Variants in KCNH1 observed in about 807,000 individuals in gnomAD.
The protein encoded by KCNH1 is voltage-gated delayed rectifier potassium channel KCNH1.
KCNH1 carries 27 observed loss-of-function variants against 69.2 expected under a neutral mutation model. The observed-to-expected ratio is 0.39, with a 90% CI of 0.29 to 0.54. The LOEUF (loss-of-function observed/expected upper bound fraction) is 0.54, where lower values mean the gene tolerates loss of function less well. Among genes scored for constraint, KCNH1 ranks in the 20% least tolerant of loss-of-function variants. The pLI, the probability that KCNH1 is intolerant of heterozygous loss-of-function variation, is 0.68. For missense variants in KCNH1, 798 were observed against 1,261.6 expected, an observed-to-expected ratio of 0.63 and a Z score of 5.57; for synonymous variants, 456 against 487.7, an observed-to-expected ratio of 0.93 and a Z score of 0.86.
intron 4 of KCNH1, among the ~76,000 whole-genome samples, chr1:211,089,157 A>C (rs1691008935): frequency 6.6e-6 from 1 of 152,226 alleles, no homozygotes; most frequent in Non-Finnish European, 1.5e-5. Flanking sequence ...ATAGGTGTCA[A>C]AATATTCAAT....
intron 10 of KCNH1, among the ~76,000 whole-genome samples, chr1:210,702,823 A>C (rs1306409966): frequency 6.6e-6 from 1 of 152,266 alleles, no homozygotes; most frequent in East Asian, 1.9e-4. Context: ...CCCCTTCTGC[A>C]TCTGTGCTGC....
intron 4 of KCNH1, among the ~76,000 whole-genome samples, chr1:211,089,416 T>A (rs926294139): frequency 1.1e-4 from 16 of 152,200 alleles, no homozygotes; most frequent in African/African-American, 3.9e-4. Context: ...AAAGGCAGGC[T>A]GAAATTGATT....
At chr1:210,981,591 C>T (rs866447355) in intron 6 of KCNH1, among the ~76,000 whole-genome samples, 2 of 152,114 alleles carry the variant, frequency 1.3e-5, no homozygotes, top group South Asian at 4.1e-4. Flanking sequence ...TCTATAAATA[C>T]TATCTCAATA....
chr1:211,022,022 A>G (rs942712405), intron 5 of KCNH1, among the ~76,000 whole-genome samples: 6 of 152,198 alleles, frequency 3.9e-5, no homozygotes, highest in Non-Finnish European at 8.8e-5. Context: ...AGCAAAAACT[A>G]TCCTGAGCAA....
chr1:210,824,007 C>T (rs1684986556), intron 7 of KCNH1, among the ~76,000 whole-genome samples: 1 of 152,048 alleles, frequency 6.6e-6, no homozygotes. Flanking sequence ...CACTATATTG[C>T]TCAGTCTGGT....
intron 5 of KCNH1, among the ~76,000 whole-genome samples, chr1:211,030,108 A>G (rs1689755739): frequency 6.6e-6 from 1 of 152,226 alleles, no homozygotes; most frequent in African/African-American, 2.4e-5. Flanking sequence ...GTTTAGCACA[A>G]TTTCTATCAA....
At chr1:211,007,207 G>A (rs1316266697) in intron 6 of KCNH1, among the ~76,000 whole-genome samples, 1 of 152,138 alleles carries the variant, frequency 6.6e-6, no homozygotes, top group Non-Finnish European at 1.5e-5. Flanking sequence ...ACTCTTCCTT[G>A]TAAGTTAACA....
chr1:211,061,681 A>T (rs1171258000), intron 5 of KCNH1, among the ~76,000 whole-genome samples: 2 of 152,208 alleles, frequency 1.3e-5, no homozygotes, highest in African/African-American at 4.8e-5. Flanking sequence ...AAGAGCAAAC[A>T]ATCTGAAAAA....
At chr1:210,950,014 T>C (rs1334957698) in intron 6 of KCNH1, among the ~76,000 whole-genome samples, 1 of 152,186 alleles carries the variant, frequency 6.6e-6, no homozygotes, top group Non-Finnish European at 1.5e-5. Flanking sequence ...AGGAAAAGAT[T>C]GCCAAGCCAC....
intron 6 of KCNH1, among the ~76,000 whole-genome samples, chr1:211,017,421 A>T (rs886473672): frequency 6.6e-6 from 1 of 152,128 alleles, no homozygotes; most frequent in African/African-American, 2.4e-5. Flanking sequence ...CTTGAGCCTC[A>T]ACTTGGCTTC....
chr1:210,857,060 A>G (rs1685865886), intron 7 of KCNH1, among the ~76,000 whole-genome samples: 1 of 151,426 alleles, frequency 6.6e-6, no homozygotes, highest in African/African-American at 2.4e-5. Flanking sequence ...AGAAATACAA[A>G]GCCATGAGCC....
At chr1:211,052,710 C>G (rs1276436047) in intron 5 of KCNH1, among the ~76,000 whole-genome samples, 1 of 152,254 alleles carries the variant, frequency 6.6e-6, no homozygotes, top group Non-Finnish European at 1.5e-5. Flanking sequence ...ACCAGTGCTA[C>G]TGGATTTAGG....
intron 9 of KCNH1, among the ~76,000 whole-genome samples, chr1:210,794,668 G>C (rs1335307992): frequency 6.6e-6 from 1 of 152,178 alleles, no homozygotes; most frequent in African/African-American, 2.4e-5. Flanking sequence ...CCAACTCCTA[G>C]TAATGCAGCT....
intron 7 of KCNH1, among the ~76,000 whole-genome samples, chr1:210,833,686 G>T (rs934054209): frequency 6.6e-6 from 1 of 152,074 alleles, no homozygotes; most frequent in Non-Finnish European, 1.5e-5. Flanking sequence ...TGACAAATGG[G>T]ATCTAATTAA....
intron 10 of KCNH1, among the ~76,000 whole-genome samples, chr1:210,687,948 C>A (rs970114046): frequency 2.6e-5 from 4 of 152,108 alleles, no homozygotes; most frequent in African/African-American, 9.7e-5. Context: ...CTGTACTGGA[C>A]AGGTGATGGA....
intron 10 of KCNH1, among the ~76,000 whole-genome samples, chr1:210,713,261 A>G (rs1455530997): frequency 1.3e-5 from 2 of 152,346 alleles, no homozygotes; most frequent in East Asian, 3.9e-4. Context: ...AGATTGACAG[A>G]TGCCACCAAT....
chr1:210,930,083 TATC>T (rs1687652004), intron 6 of KCNH1, among the ~76,000 whole-genome samples: 1 of 152,086 alleles, frequency 6.6e-6, no homozygotes, highest in Non-Finnish European at 1.5e-5. Flanking sequence ...GTAGAACCAA[TATC>T]ATGAAAATGA....
chr1:211,126,310 A>G (rs926449047), intron 1 of KCNH1, among the ~76,000 whole-genome samples: 2 of 152,162 alleles, frequency 1.3e-5, no homozygotes, highest in Non-Finnish European at 2.9e-5. Flanking sequence ...GGAGATCAAG[A>G]CCATCCTGGC....
intron 1 of KCNH1, among the ~76,000 whole-genome samples, chr1:211,120,507 T>C (rs1038695468): frequency 1.3e-5 from 2 of 152,130 alleles, no homozygotes; most frequent in Non-Finnish European, 2.9e-5. Flanking sequence ...ATAGATTTTA[T>C]TCTCATTTTT....
Sources: gnomAD v4.1 joint callset for allele counts (sites outside exome capture counted in the v4.1 genomes callset) on GRCh38, gnomAD v4.1.1 for gene constraint, MANE v1.5 for transcripts, NCBI Gene and HGNC (gene_info 2026-07-23, HGNC 2026-07-21) for gene names.